NAV2: variants seen among roughly 807,000 people sequenced by gnomAD.
The protein encoded by NAV2 is neuron navigator 2.
In NAV2, 54 loss-of-function variants were observed where a neutral mutation model predicts 223.2. The observed-to-expected ratio is 0.24, with a 90% CI of 0.19 to 0.30. NAV2 has a LOEUF of 0.30. Ranked by LOEUF, NAV2 falls within the 10% of genes least tolerant of loss-of-function variation. The pLI, the probability that NAV2 is intolerant of heterozygous loss-of-function variation, is 1.00. For missense variants in NAV2, 2,806 were observed against 3,147.5 expected, an observed-to-expected ratio of 0.89 and a Z score of 2.60; for synonymous variants, 1,279 against 1,239.3, an observed-to-expected ratio of 1.03 and a Z score of -0.67.
chr11:19,388,652 G>A (rs1849133517), intron 1 of NAV2, among the ~76,000 whole-genome samples: 1 of 152,172 alleles, frequency 6.6e-6, no homozygotes, highest in African/African-American at 2.4e-5. Context: ...GACCCCGAAT[G>A]CTGCTTTCCT....
intron 3 of NAV2, among the ~76,000 whole-genome samples, chr11:19,844,218 A>C (rs1446373418): frequency 6.6e-6 from 1 of 152,226 alleles, no homozygotes; most frequent in African/African-American, 2.4e-5. Flanking sequence ...GGATGATAGA[A>C]GACTTAATTT....
intron 1 of NAV2, among the ~76,000 whole-genome samples, chr11:19,427,828 T>G (rs1850891723): frequency 6.6e-6 from 1 of 152,222 alleles, no homozygotes; most frequent in Admixed American, 6.5e-5. Context: ...ATCTGTCAGT[T>G]CATTGCCTAC....
chr11:20,053,760 T>C (rs2058178244), intron 17 of NAV2, among the ~76,000 whole-genome samples: 1 of 152,186 alleles, frequency 6.6e-6, no homozygotes, highest in Admixed American at 6.5e-5. Flanking sequence ...CCTGTCAAGG[T>C]GGGGGCTTTG....
intron 11 of NAV2, among the ~76,000 whole-genome samples, chr11:20,014,958 T>C (rs950061909): frequency 6.6e-6 from 1 of 151,860 alleles, no homozygotes; most frequent in Admixed American, 6.6e-5. Flanking sequence ...ATTAGAGGCA[T>C]GATGGCACAT....
chr11:20,100,546 G>GGTGTGTGTGTGTGT (rs59857072), intron 31 of NAV2, among the ~76,000 whole-genome samples: 9 of 141,762 alleles, frequency 6.3e-5, no homozygotes, highest in South Asian at 4.7e-4. Flanking sequence ...ATACTAGAGG[G>GGTGTGTGTGTGTGT]GTGTGTGTGT....
chr11:19,474,486 G>A (rs1450881540), intron 1 of NAV2, among the ~76,000 whole-genome samples: 1 of 152,178 alleles, frequency 6.6e-6, no homozygotes, highest in African/African-American at 2.4e-5. Context: ...GAAAATGTAT[G>A]GTTTATAAAC....
At chr11:19,368,196 T>A (rs1848353140) in intron 1 of NAV2, among the ~76,000 whole-genome samples, 1 of 152,188 alleles carries the variant, frequency 6.6e-6, no homozygotes, top group Non-Finnish European at 1.5e-5. Context: ...ACCCTCAATG[T>A]CCAGTAGCAG....
intron 1 of NAV2, among the ~76,000 whole-genome samples, chr11:19,752,844 A>G (rs888931479): frequency 2.0e-5 from 3 of 152,174 alleles, no homozygotes; most frequent in African/African-American, 7.2e-5. Flanking sequence ...ACTCAATGCC[A>G]TGGACTGAAT....
intron 11 of NAV2, among the ~76,000 whole-genome samples, chr11:20,020,606 A>G (rs2054416390): frequency 6.6e-6 from 1 of 152,248 alleles, no homozygotes; most frequent in African/African-American, 2.4e-5. Flanking sequence ...TCTTTTAACC[A>G]TAGAAAGAAA....
At position 19,933,531 on chromosome 11, in the gene NAV2, G is replaced by T; in HGVS notation, c.1287G>T (p.Arg429=). The T allele has an allele frequency of 6.2e-7, 1 of 1,610,162 alleles. No individual in the cohort carries two copies. Among genetic ancestry groups the T allele is most frequent in the Non-Finnish European group, 8.5e-7 (1 of 1,178,076 alleles). Reference sequence around the variant, plus strand: ...GGTCCCGGGACACAAGCTGTGAGCGGCTGGAGACTCTGCCCAGCTTCGAAG... The same window carrying T: ...GGTCCCGGGACACAAGCTGTGAGCGTCTGGAGACTCTGCCCAGCTTCGAAG... ...GPGSRDTSCE[R]LETLPSFEES... The change falls in exon 7 of 38, where the codon CGG becomes CGT. Residue 429 remains arginine, a synonymous_variant. Coordinates refer to ENST00000349880, the MANE Select transcript of NAV2 (RefSeq NM_145117.5). This position sits in a 1 kb window ranked among gnomAD's most constrained non-coding sequence, Gnocchi z 4.3.
chr11:19,914,646 G>A (rs1005378917), intron 6 of NAV2, among the ~76,000 whole-genome samples: 8 of 151,350 alleles, frequency 5.3e-5, no homozygotes, highest in African/African-American at 9.7e-5. Context: ...CCGGGTTCAC[G>A]CCATTCTCCT....
intron 8 of NAV2, among the ~76,000 whole-genome samples, chr11:19,944,617 C>A (rs2046695837): frequency 7.7e-6 from 1 of 130,144 alleles, no homozygotes; most frequent in African/African-American, 2.9e-5. Flanking sequence ...TTTCTTCTTT[C>A]TTTTTCTTTT....
In NAV2 at chr11:19,933,415, A is replaced by G. The variant is rs753396914; in HGVS notation, c.1171A>G (p.Met391Val). 3.2e-6 allele frequency: 5 copies of G among 1,581,994 alleles called. No homozygotes were observed. The Admixed American group carries it at 5.5e-5, about 17-fold the overall frequency. ...PEAPRPTPEAMKPAPNNQKSM... is the reference protein window; with the variant it reads ...PEAPRPTPEAVKPAPNNQKSM... ...GGCCCCCAGGCCCACACCTGAAGCCATGAAGCCGGCCCCCAACAATCAGAA... is the reference window on the plus strand; with the variant it reads ...GGCCCCCAGGCCCACACCTGAAGCCGTGAAGCCGGCCCCCAACAATCAGAA... The change falls in exon 7 of 38, where the codon ATG becomes GTG. Residue 391 changes from methionine to valine, a missense_variant. By Grantham distance (21) the Met-to-Val change is conservative (BLOSUM62 1). Transcript: ENST00000349880. This position sits in a 1 kb window ranked among gnomAD's most constrained non-coding sequence, Gnocchi z 4.3.
Position 19,721,398 on chromosome 11 carries a change from G to A in NAV2, c.267+7436G>A, listed in dbSNP as rs183029909. Among the ~76,000 whole-genome samples the A allele has an allele frequency of 3.1e-3, 478 of 152,316 alleles. 2 individuals are homozygous for A. Among genetic ancestry groups the A allele is most frequent in the African/African-American group, 0.01 (434 of 41,568 alleles). ...TCTGAGGCCACAAGGCCCACTAAAC[G>A]TCATTGTTGAGTGTTAACTGGCCGG... On this transcript the variant is annotated intron_variant, in intron 1 of 37. Coordinates refer to ENST00000349880, the MANE Select transcript of NAV2 (RefSeq NM_145117.5).
At chr11:19,529,705 A>T (rs2043963736) in intron 1 of NAV2, among the ~76,000 whole-genome samples, 2 of 152,118 alleles carry the variant, frequency 1.3e-5, no homozygotes, top group South Asian at 4.1e-4. Flanking sequence ...GTGGGGTGGA[A>T]GTTGCTGAGG....
At chr11:19,727,181 C>A (rs888447752) in intron 1 of NAV2, among the ~76,000 whole-genome samples, 2 of 152,160 alleles carry the variant, frequency 1.3e-5, no homozygotes, top group Non-Finnish European at 2.9e-5. Flanking sequence ...CAGTCTTCAA[C>A]CTGGGAGTGC....
intron 1 of NAV2, among the ~76,000 whole-genome samples, chr11:19,489,833 C>T (rs764287194): frequency 1.4e-4 from 21 of 152,172 alleles, no homozygotes; most frequent in Admixed American, 2.0e-4. Flanking sequence ...AACACTGTCA[C>T]GGGATCCACA....
chr11:19,501,459 C>T (rs1385869004), intron 1 of NAV2, among the ~76,000 whole-genome samples: 1 of 152,060 alleles, frequency 6.6e-6, no homozygotes, highest in Non-Finnish European at 1.5e-5. Flanking sequence ...GGTACAGTAG[C>T]TATAATTCCA....
At chr11:19,545,424 G>A (rs2044467443) in intron 1 of NAV2, among the ~76,000 whole-genome samples, 1 of 151,708 alleles carries the variant, frequency 6.6e-6, no homozygotes, top group Non-Finnish European at 1.5e-5. Flanking sequence ...TGGGAAGACT[G>A]CCAGGTGGAT....
Sources: gnomAD v4.1 joint callset for allele counts (sites outside exome capture counted in the v4.1 genomes callset) on GRCh38, gnomAD v4.1.1 for gene constraint, Gnocchi (gnomAD v3.1) non-coding constraint, MANE v1.5 for transcripts, NCBI Gene and HGNC (gene_info 2026-07-23, HGNC 2026-07-21) for gene names.